The following ODAD2 variants were observed in gnomAD, a reference collection of about 807,000 sequenced individuals.
ODAD2 encodes the protein outer dynein arm docking complex subunit 2, also known as outer dynein arm-docking complex subunit 2.
Under a neutral mutation model 106.8 loss-of-function variants are expected in ODAD2, and 89 were observed. The ratio of observed to expected loss-of-function variants is 0.83; its 90% CI spans 0.70 to 0.99. The LOEUF (loss-of-function observed/expected upper bound fraction) is 0.99, where lower values mean the gene tolerates loss of function less well. Ranked by LOEUF, ODAD2 falls within the 50% of genes least tolerant of loss-of-function variation. The probability of loss-of-function intolerance (pLI) is 0.00; values close to 1 mark genes in which losing one functional copy is unlikely to be tolerated. For missense variants in ODAD2, 1,168 were observed against 1,238.5 expected (o/e 0.94, Z 0.85); for synonymous variants, 404 against 436.2 (o/e 0.93, Z 0.92).
rs191594899 is a variant in ODAD2, at chr10:27,981,558, C to G, written c.844G>C (p.Val282Leu). 1.6e-5 allele frequency: 24 copies of G among 1,543,224 alleles called. No individual in the cohort carries two copies. Among genetic ancestry groups the G allele is most frequent in the Non-Finnish European group, 2.0e-5 (23 of 1,157,884 alleles). The change falls in exon 7 of 20, where the codon GTT (valine) becomes CTT (leucine). Residue 282 changes from valine (V) to leucine (L), a missense_variant. Around this residue, in one of 3 missense-constraint regions of ODAD2, gnomAD observed 430 missense variants for 452.2 expected, o/e 0.95. Transcript: ENST00000305242. ...NGGKTDDEGD[V>L]NYERKGSIYK... is the part of the protein sequence containing the mutation. ...ATTGAACCTTTTCTCTCATAATTAACGTCCCCTTCATCATCTGTTTTGCCC... is the reference window on the plus strand; with the variant it reads ...ATTGAACCTTTTCTCTCATAATTAAGGTCCCCTTCATCATCTGTTTTGCCC...
At chr10:27,937,725 G>A (rs1846092692) in intron 14 of ODAD2, among the ~76,000 whole-genome samples, 1 of 152,064 alleles carries the variant, frequency 6.6e-6, no homozygotes, top group Non-Finnish European at 1.5e-5. Context: ...GCCACTAGAA[G>A]AAATCCTCAT....
chr10:27,953,454 A>G (rs1451258142), intron 10 of ODAD2, among the ~76,000 whole-genome samples: 6 of 152,178 alleles, frequency 3.9e-5, no homozygotes, highest in Admixed American at 2.0e-4. Context: ...AATCCATCCT[A>G]TAGAAATAAT....
chr10:27,886,162 C>G (rs985990412), intron 17 of ODAD2, among the ~76,000 whole-genome samples: 1 of 150,308 alleles, frequency 6.7e-6, no homozygotes, highest in African/African-American at 2.4e-5. Flanking sequence ...GATAGATATA[C>G]AAATCCAATA....
chr10:27,985,146 C>T lies in ODAD2; in HGVS notation c.448G>A (p.Ala150Thr), dbSNP rs769348690. 1 of 1,593,404 alleles carries T rather than the reference C, an allele frequency of 6.3e-7. No individual in the cohort carries two copies. Among genetic ancestry groups the T allele is most frequent in the Non-Finnish European group, 8.6e-7 (1 of 1,169,284 alleles). Residue 150 changes from alanine (A) to threonine (T), a missense_variant, in exon 4 of 20, where the codon GCA (alanine) becomes ACA (threonine). Ala to Thr is a moderately conservative substitution (Grantham distance 58). Transcript: ENST00000305242. Reference protein sequence around the residue: ...DYNTMKENSIALNILGKITRD... With the variant: ...DYNTMKENSITLNILGKITRD... ...GTAATTTTGCCAAGAATATTTAATGCAATTGAGTTTTCTTTCATTGTATTA... is the reference window on the plus strand; with the variant it reads ...GTAATTTTGCCAAGAATATTTAATGTAATTGAGTTTTCTTTCATTGTATTA...
At chr10:27,836,724 G>A (rs150441509) in intron 19 of ODAD2, among the ~76,000 whole-genome samples, 8 of 152,064 alleles carry the variant, frequency 5.3e-5, no homozygotes, top group African/African-American at 1.2e-4. Context: ...CAAGGAATAC[G>A]AAAAATACAC....
intron 19 of ODAD2, among the ~76,000 whole-genome samples, chr10:27,829,931 TAAA>T (rs35072227): frequency 2.7e-5 from 4 of 149,638 alleles, no homozygotes; most frequent in African/African-American, 9.8e-5. Context: ...AGGCAGTAAT[TAAA>T]AAAAAAAAAA....
intron 17 of ODAD2, among the ~76,000 whole-genome samples, chr10:27,864,845 G>A (rs964459117): frequency 2.4e-4 from 36 of 151,580 alleles, no homozygotes; most frequent in East Asian, 9.6e-4. Flanking sequence ...ATGGTACTAC[G>A]CACTTCACAT....
At chr10:27,937,034 A>G (rs1164716813) in intron 14 of ODAD2, among the ~76,000 whole-genome samples, 154 bp from the exon 15 acceptor site, 1 of 152,190 alleles carries the variant, frequency 6.6e-6, no homozygotes, top group East Asian at 1.9e-4. Context: ...TCATCTTTCT[A>G]CTAGTAGCTT....
At chr10:27,970,135 A>AATAAATAAATAAATAT (rs1425590536) in intron 8 of ODAD2, among the ~76,000 whole-genome samples, 2 of 95,584 alleles carry the variant, frequency 2.1e-5, no homozygotes, top group Admixed American at 2.3e-4. Flanking sequence ...TAAATAAATA[A>AATAAATAAATAAATAT]ATAAATAAAT....
At chr10:27,872,783 A>G (rs550074490) in intron 17 of ODAD2, among the ~76,000 whole-genome samples, 1 of 151,788 alleles carries the variant, frequency 6.6e-6, no homozygotes, top group South Asian at 2.1e-4. Context: ...GATTTTTGCA[A>G]CGATGTTCAT....
chr10:27,899,672 C>G (rs1480381339), intron 17 of ODAD2, among the ~76,000 whole-genome samples: 3 of 152,130 alleles, frequency 2.0e-5, no homozygotes, highest in Non-Finnish European at 2.9e-5. Context: ...GTGGTTTTCC[C>G]CTCACAGTGT....
intron 10 of ODAD2, chr10:27,959,117 G>GGATCGT: frequency 1.3e-6 from 1 of 750,292 alleles, no homozygotes; most frequent in Non-Finnish European, 1.8e-6. Flanking sequence ...TAGGAAGACT[G>GGATCGT]CTTGAGGCCA....
At chr10:27,859,832 G>C (rs1314950227) in intron 19 of ODAD2, among the ~76,000 whole-genome samples, 1 of 152,046 alleles carries the variant, frequency 6.6e-6, no homozygotes, top group East Asian at 1.9e-4. Flanking sequence ...CTGATGCACA[G>C]ATTTAAACAA....
At chr10:27,993,611 C>T (rs1850360864) in intron 2 of ODAD2, among the ~76,000 whole-genome samples, 1 of 152,046 alleles carries the variant, frequency 6.6e-6, no homozygotes, top group Admixed American at 6.6e-5. Flanking sequence ...GATTACACCA[C>T]TGCACTCCAG....
At chr10:27,882,883 T>C (rs1433701093) in intron 17 of ODAD2, among the ~76,000 whole-genome samples, 2 of 151,872 alleles carry the variant, frequency 1.3e-5, no homozygotes, top group Non-Finnish European at 2.9e-5. Flanking sequence ...AGTAAAGTCT[T>C]ATCCCTAGAG....
intron 16 of ODAD2, among the ~76,000 whole-genome samples, chr10:27,923,656 C>T (rs1352777275): frequency 6.6e-6 from 1 of 151,874 alleles, no homozygotes; most frequent in Non-Finnish European, 1.5e-5. Flanking sequence ...GATAAAGAAT[C>T]CCAAGCACTG....
intron 10 of ODAD2, among the ~76,000 whole-genome samples, chr10:27,948,414 G>A (rs1847090092): frequency 1.3e-5 from 2 of 152,140 alleles, no homozygotes; most frequent in African/African-American, 2.4e-5. Context: ...ACAAATGTTA[G>A]CCAATTGCTA....
At chr10:27,860,989 T>G in intron 18 of ODAD2, 143 bp from the exon 19 acceptor site, 2 of 683,380 alleles carry the variant, frequency 2.9e-6, no homozygotes, top group South Asian at 3.7e-5. Flanking sequence ...TAGGTGATGT[T>G]TTGAAGGAAC....
chr10:27,862,123 T>C (rs182743941), intron 18 of ODAD2, among the ~76,000 whole-genome samples: 26 of 152,324 alleles, frequency 1.7e-4, no homozygotes, highest in Non-Finnish European at 3.1e-4. Flanking sequence ...ATAACCATGA[T>C]GGTGGCGGTG....
Sources: gnomAD v4.1 joint callset for allele counts (sites outside exome capture counted in the v4.1 genomes callset) on GRCh38, gnomAD v4.1.1 for gene constraint, gnomAD v4.1.1 regional missense constraint, MANE v1.5 for transcripts, NCBI Gene and HGNC (gene_info 2026-07-23, HGNC 2026-07-21) for gene names.